The following STS variants were observed in gnomAD, a reference collection of about 807,000 sequenced individuals.
STS encodes the protein steryl-sulfatase.
Under a neutral mutation model 26.8 loss-of-function variants are expected in STS, and 7 were observed. That is an observed-to-expected ratio of 0.26 (90% CI 0.15 to 0.49). The LOEUF is 0.49. Ranked by LOEUF, STS falls within the 20% of genes least tolerant of loss-of-function variation. The pLI is 0.98. For synonymous variants in STS, 199 were observed against 189.4 expected (o/e 1.05, Z -0.42); for missense variants, 434 against 465.6 (o/e 0.93, Z 0.63).
intron 2 of STS, among the ~76,000 whole-genome samples, chrX:7,204,519 TCCTCCCTC>T (rs1194077189): frequency 3.4e-5 from 3 of 88,272 alleles, no homozygotes; most frequent in Non-Finnish European, 4.5e-5. Context: ...TTTCCTCCCT[TCCTCCCTC>T]CCTCCCTCCC....
Position 7,325,240 on chromosome X carries a change from G to C in STS, c.1082-99G>C, listed in dbSNP as rs533052360. The stretch of plus-strand genomic sequence containing the variant: ...AGATGGAATCTATGTAATTAGAGCA[G>C]TTGGTTCTTCTACATTGAGCACGAA... On this transcript the variant is annotated intron_variant, in intron 8 of 10. Coordinates refer to ENST00000674429, the MANE Select transcript of STS (RefSeq NM_001320752.2). 1.9e-4 allele frequency: 170 copies of C among 889,791 alleles called. 1 individual carries two copies. The African/African-American group carries it at 2.4e-3, about 13-fold the overall frequency. 73.3% of individuals were successfully genotyped at this position (889,791 alleles called of 1,213,427 possible).
chrX:7,154,484 A>G (rs373738813), intron 1 of STS, among the ~76,000 whole-genome samples: 1 of 112,630 alleles, frequency 8.9e-6, no homozygotes, highest in East Asian at 2.8e-4. Flanking sequence ...TTACAACTTT[A>G]TAAATGATCT....
chrX:7,177,128 T>C (rs1267230778), intron 1 of STS, among the ~76,000 whole-genome samples: 1 of 111,475 alleles, frequency 9.0e-6, no homozygotes, highest in African/African-American at 3.3e-5. Flanking sequence ...TAATCACATC[T>C]ACAAACTCCC....
intron 2 of STS, chrX:7,219,478 C>T: frequency 1.5e-5 from 17 of 1,116,855 alleles, no homozygotes; most frequent in Non-Finnish European, 2.0e-5. Flanking sequence ...GCCAAGCCTC[C>T]AGCAGCTGAC....
intron 3 of STS, 111 bp downstream of exon 3, chrX:7,253,447 C>A: frequency 9.6e-7 from 1 of 1,043,229 alleles, no homozygotes; most frequent in Non-Finnish European, 1.3e-6. Flanking sequence ...GTTCAAAACC[C>A]TCCAAACCAT....
At chrX:7,310,707 C>T (rs1314499987) in intron 8 of STS, among the ~76,000 whole-genome samples, 3 of 111,760 alleles carry the variant, frequency 2.7e-5, no homozygotes, top group African/African-American at 3.3e-5. Context: ...ATGTTGAAGA[C>T]CTCCAGGGCT....
intron 1 of STS, among the ~76,000 whole-genome samples, chrX:7,153,560 C>T (rs1933067783): frequency 9.8e-6 from 1 of 101,864 alleles, no homozygotes; most frequent in African/African-American, 3.6e-5. Flanking sequence ...TCCTGTCTTC[C>T]TTCCTGTCCT....
intron 7 of STS, among the ~76,000 whole-genome samples, chrX:7,288,573 T>G (rs1925252656): frequency 9.1e-6 from 1 of 110,024 alleles, no homozygotes; most frequent in African/African-American, 3.4e-5. Context: ...CCTTGTATTT[T>G]CACCCAATAT....
chrX:7,349,315 C>CTTTTTTTTTTTTTTTTTTTTTT lies in STS; in HGVS notation c.1364-573_1364-572insTTTTTTTTTTTTTTTTTTTTTT, dbSNP rs1928669611. 9.9e-5 allele frequency among the ~76,000 whole-genome samples: 2 copies of CTTTTTTTTTTTTTTTTTTTTTT among 20,285 alleles called. 1 individual carries two copies. The highest frequency in any genetic ancestry group is 3.5e-4 in the African/African-American group (2 of 5,711). The allele number at this position is 20,285 out of a possible 115,157, so 17.6% of individuals were successfully genotyped here. On this transcript the variant is annotated intron_variant, in intron 10 of 10. Transcript: ENST00000674429. The stretch of plus-strand genomic sequence containing the variant: ...CGCTGCACTCGGCCCTCATTTAATT[C>CTTTTTTTTTTTTTTTTTTTTTT]CTTTTTTTTTTTTTTTTTTTTTTTT...
At chrX:7,348,823 T>C (rs1460430454) in intron 10 of STS, among the ~76,000 whole-genome samples, 1 of 112,015 alleles carries the variant, frequency 8.9e-6, no homozygotes, top group East Asian at 2.8e-4. Flanking sequence ...AATTTAAAGA[T>C]TTTTAGAAAA....
intron 1 of STS, among the ~76,000 whole-genome samples, chrX:7,150,412 G>A (rs1348453037): frequency 2.7e-5 from 3 of 110,354 alleles, no homozygotes; most frequent in Non-Finnish European, 5.7e-5. Context: ...TAGTAGAGAT[G>A]GGGTTTTACC....
chrX:7,297,641 A>C (rs1925732559), intron 7 of STS, among the ~76,000 whole-genome samples: 1 of 111,945 alleles, frequency 8.9e-6, no homozygotes, highest in Non-Finnish European at 1.9e-5. Context: ...GCATGTAGTG[A>C]CTAGTTGAAT....
At chrX:7,293,231 A>G (rs1292109342) in intron 7 of STS, among the ~76,000 whole-genome samples, 1 of 112,062 alleles carries the variant, frequency 8.9e-6, no homozygotes, top group Non-Finnish European at 1.9e-5. Context: ...GCCCCTGAAC[A>G]TGAGCCCCAC....
chrX:7,300,817 C>G, intron 7 of STS, among the ~76,000 whole-genome samples: 1 of 111,414 alleles, frequency 9.0e-6, no homozygotes. Flanking sequence ...ATATCATGGT[C>G]ATTTGAAATA....
chrX:7,328,750 G>A (rs186898285), intron 9 of STS, among the ~76,000 whole-genome samples: 62 of 110,651 alleles, frequency 5.6e-4, no homozygotes, highest in African/African-American at 1.9e-3. Flanking sequence ...TAATAGAGAC[G>A]GGGTTTCACT....
intron 1 of STS, among the ~76,000 whole-genome samples, chrX:7,172,959 C>A (rs1293933661): frequency 9.0e-6 from 1 of 110,937 alleles, no homozygotes; most frequent in African/African-American, 3.3e-5. Context: ...TATTCTGGGG[C>A]ACATGTGTAG....
chrX:7,267,391 G>A (rs759442434), intron 6 of STS, among the ~76,000 whole-genome samples: 10 of 112,217 alleles, frequency 8.9e-5, no homozygotes, highest in Non-Finnish European at 1.7e-4. Flanking sequence ...GGTGAATGTA[G>A]CAAGTTAATT....
At chrX:7,148,704 G>A (rs1340063624) in intron 1 of STS, among the ~76,000 whole-genome samples, 1 of 112,096 alleles carries the variant, frequency 8.9e-6, no homozygotes, top group African/African-American at 3.2e-5. Context: ...ACCGCGACTT[G>A]AACCGGCAGC....
At chrX:7,340,845 G>T (rs1161871785) in intron 10 of STS, among the ~76,000 whole-genome samples, 1 of 111,508 alleles carries the variant, frequency 9.0e-6, no homozygotes, top group African/African-American at 3.3e-5. Context: ...TACCCTAAAC[G>T]CATACAATGG....
Sources: gnomAD v4.1 joint callset for allele counts (sites outside exome capture counted in the v4.1 genomes callset) on GRCh38, gnomAD v4.1.1 for gene constraint, MANE v1.5 for transcripts, NCBI Gene and HGNC (gene_info 2026-07-23, HGNC 2026-07-21) for gene names.